Variants in MED12L observed in about 807,000 individuals in gnomAD.
The protein encoded by MED12L is mediator complex subunit 12L.
Under a neutral mutation model 281.3 loss-of-function variants are expected in MED12L, and 60 were observed. The observed-to-expected ratio is 0.21, with a 90% CI of 0.17 to 0.26. MED12L has a LOEUF of 0.26. Ranked by LOEUF, MED12L falls within the 10% of genes least tolerant of loss-of-function variation. The pLI, the probability that MED12L is intolerant of heterozygous loss-of-function variation, is 1.00. For synonymous variants in MED12L, 974 were observed against 987.2 expected, an observed-to-expected ratio of 0.99 and a Z score of 0.25; for missense variants, 2,146 against 2,680.9, an observed-to-expected ratio of 0.80 and a Z score of 4.41.
In MED12L at chr3:151,158,809, A is replaced by C; in HGVS notation, c.837+10A>C. The C allele has an allele frequency of 3.8e-6, 6 of 1,573,044 alleles. No individual in the cohort carries two copies. The highest frequency in any genetic ancestry group is 4.4e-6 in the Non-Finnish European group (5 of 1,143,932). On this transcript the variant is annotated intron_variant, in intron 7 of 44. Coordinates refer to ENST00000687756, the MANE Select transcript of MED12L (RefSeq NM_001393769.1). ...ACCACTAATGCTGCAGGTATAGTAC[A>C]TGTCCCCTTGAGGCAGTTGGTTTTA...
At chr3:151,287,682 A>G (rs1163328396) in intron 16 of MED12L, among the ~76,000 whole-genome samples, 1 of 152,194 alleles carries the variant, frequency 6.6e-6, no homozygotes, top group Non-Finnish European at 1.5e-5. Context: ...TATCTACTAT[A>G]TAAGGTTCTT....
Position 151,364,947 on chromosome 3 carries a change from TTC to T in MED12L, c.2958-30_2958-29del, listed in dbSNP as rs772489062. 3.9e-5 allele frequency: 58 copies of T among 1,472,902 alleles called. 1 individual carries two copies. In the South Asian group the frequency reaches 6.2e-4, roughly 16 times the overall value. The allele number at this position is 1,472,902 out of a possible 1,614,324, so 91.2% of individuals were successfully genotyped here. ...TTTTCTAGTTATTCTAGTTTTATTT[TTC>T]TGTTTTAACTTTTTTTCTTATAACC... is the stretch of plus-strand genomic sequence containing the variant. On this transcript the variant is annotated intron_variant, in intron 21 of 44. Coordinates refer to ENST00000687756, the MANE Select transcript of MED12L (RefSeq NM_001393769.1).
intron 3 of MED12L, among the ~76,000 whole-genome samples, chr3:151,120,404 G>A (rs1713575643): frequency 6.6e-6 from 1 of 152,206 alleles, no homozygotes; most frequent in African/African-American, 2.4e-5. Context: ...AGCTGACTAT[G>A]TATGAAATAA....
intron 16 of MED12L, among the ~76,000 whole-genome samples, chr3:151,334,324 C>T (rs1468223534): frequency 6.6e-6 from 1 of 150,744 alleles, no homozygotes. Flanking sequence ...TTAGTTCCCA[C>T]TGACAGTATT....
chr3:151,333,325 C>A (rs150940753), intron 16 of MED12L, among the ~76,000 whole-genome samples: 80 of 152,304 alleles, frequency 5.3e-4, no homozygotes, highest in African/African-American at 1.7e-3. Context: ...AGCCAAACTG[C>A]TTTCCACAGT....
At chr3:151,327,814 C>G in intron 16 of MED12L, 1 of 442,262 alleles carries the variant, frequency 2.3e-6, no homozygotes, top group Non-Finnish European at 4.0e-6. Flanking sequence ...AGTAATGGTT[C>G]ATTCAGCTTA....
chr3:151,105,968 C>G (rs148973089), intron 2 of MED12L, among the ~76,000 whole-genome samples: 2 of 152,288 alleles, frequency 1.3e-5, no homozygotes, highest in Non-Finnish European at 2.9e-5. Flanking sequence ...TCATTCCATC[C>G]AAGAAATCAA....
chr3:151,409,418 C>T (rs1267098778), intron 40 of MED12L, 86 bp downstream of exon 40: 1 of 1,144,134 alleles, frequency 8.7e-7, no homozygotes, highest in South Asian at 1.2e-5. Context: ...AATATATCAA[C>T]TCCCTATAGG....
intron 2 of MED12L, among the ~76,000 whole-genome samples, chr3:151,098,933 G>A (rs536452131): frequency 6.6e-6 from 1 of 152,282 alleles, no homozygotes; most frequent in East Asian, 1.9e-4. Context: ...CACAATCATG[G>A]TGGAAGGTGA....
chr3:151,206,487 G>C (rs1227234846), intron 16 of MED12L, among the ~76,000 whole-genome samples: 1 of 151,668 alleles, frequency 6.6e-6, no homozygotes, highest in African/African-American at 2.4e-5. Context: ...CTGCTATTTG[G>C]TCCATGGTTA....
At chr3:151,152,096 T>G (rs1718614505) in intron 5 of MED12L, among the ~76,000 whole-genome samples, 1 of 121,086 alleles carries the variant, frequency 8.3e-6, no homozygotes, top group African/African-American at 3.5e-5. Context: ...TTTTTTTTTT[T>G]TTTTTTTTTT....
At chr3:151,323,814 C>A (rs377244514) in intron 16 of MED12L, among the ~76,000 whole-genome samples, 2 of 152,326 alleles carry the variant, frequency 1.3e-5, no homozygotes, top group African/African-American at 4.8e-5. Context: ...GCTAAATGAA[C>A]AAATGAATCC....
intron 31 of MED12L, 123 bp downstream of exon 31, chr3:151,378,296 T>C: frequency 9.8e-7 from 1 of 1,017,810 alleles, no homozygotes; most frequent in Non-Finnish European, 1.4e-6. Context: ...TAAATGGAAC[T>C]GGGAATATTC....
chr3:151,291,161 T>TG (rs60899129), intron 16 of MED12L, among the ~76,000 whole-genome samples: 41,689 of 148,730 alleles, frequency 0.28, 6,026 homozygotes, highest in South Asian at 0.31. Flanking sequence ...TTTTTTTTTT[T>TG]TTTTGTTTTT....
At chr3:151,361,192 C>T (rs1284837513) in intron 21 of MED12L, among the ~76,000 whole-genome samples, 1 of 152,102 alleles carries the variant, frequency 6.6e-6, no homozygotes, top group African/African-American at 2.4e-5. Flanking sequence ...TCTATAGCCC[C>T]ATTCACTTTT....
intron 27 of MED12L, among the ~76,000 whole-genome samples, chr3:151,373,665 G>A (rs1756461414): frequency 1.3e-5 from 2 of 151,816 alleles, no homozygotes; most frequent in Non-Finnish European, 2.9e-5. Flanking sequence ...TTATCCATAT[G>A]GGTTATAATA....
intron 16 of MED12L, among the ~76,000 whole-genome samples, chr3:151,266,620 C>G (rs1739882794): frequency 6.6e-6 from 1 of 152,046 alleles, no homozygotes; most frequent in Non-Finnish European, 1.5e-5. Flanking sequence ...ATTCTAGTAC[C>G]TTGAAGATTT....
At chr3:151,271,428 A>T (rs1476847933) in intron 16 of MED12L, among the ~76,000 whole-genome samples, 1 of 152,224 alleles carries the variant, frequency 6.6e-6, no homozygotes, top group Non-Finnish European at 1.5e-5. Context: ...TAGTAAATCT[A>T]CTTTGAATAA....
chr3:151,110,408 G>T (rs1711683436), intron 2 of MED12L, among the ~76,000 whole-genome samples: 1 of 152,140 alleles, frequency 6.6e-6, no homozygotes, highest in East Asian at 1.9e-4. Flanking sequence ...CCTCTAAAAG[G>T]GGTCTATTGG....
Sources: allele counts gnomAD v4.1 joint callset (sites outside exome capture counted in the v4.1 genomes callset), GRCh38; gene constraint gnomAD v4.1.1; transcripts MANE v1.5; gene names NCBI Gene and HGNC (gene_info 2026-07-23, HGNC 2026-07-21).